Variants in LINGO2 observed in about 807,000 individuals in gnomAD.
LINGO2 encodes the protein leucine-rich repeat and immunoglobulin-like domain-containing nogo receptor-interacting protein 2.
Under a neutral mutation model 30.6 loss-of-function variants are expected in LINGO2, and 14 were observed. That is an observed-to-expected ratio of 0.46 (90% CI 0.30 to 0.72). LINGO2 has a LOEUF of 0.72. LINGO2 is among the 30% of genes least tolerant of loss of function. The pLI, the probability that LINGO2 is intolerant of heterozygous loss-of-function variation, is 0.07. For synonymous variants in LINGO2, 317 were observed against 288.5 expected (o/e 1.10, Z -1.00); for missense variants, 729 against 751.7 (o/e 0.97, Z 0.35).
chr9:28,064,409 C>T (rs1393329962), intron 4 of LINGO2, among the ~76,000 whole-genome samples: 1 of 152,000 alleles, frequency 6.6e-6, no homozygotes, highest in Non-Finnish European at 1.5e-5. Context: ...TGGGACGAAG[C>T]CAGGCAGGTC....
intron 4 of LINGO2, among the ~76,000 whole-genome samples, chr9:28,055,548 G>C (rs957487227): frequency 1.3e-5 from 2 of 152,150 alleles, no homozygotes; most frequent in African/African-American, 4.8e-5. Flanking sequence ...CTTCCACTTT[G>C]AATTGGAATT....
chr9:28,538,210 G>A (rs966843873), intron 1 of LINGO2, among the ~76,000 whole-genome samples: 1 of 151,848 alleles, frequency 6.6e-6, no homozygotes, highest in African/African-American at 2.4e-5. Flanking sequence ...GAAGAAAATA[G>A]TGGAGTATAA....
At chr9:28,553,666 C>T (rs1175285824) in intron 1 of LINGO2, among the ~76,000 whole-genome samples, 6 of 151,638 alleles carry the variant, frequency 4.0e-5, no homozygotes, top group South Asian at 2.1e-4. Context: ...AGATACTCCT[C>T]GAGAAGAGCA....
At chr9:28,654,804 A>T (rs1828261952) in intron 1 of LINGO2, among the ~76,000 whole-genome samples, 1 of 152,138 alleles carries the variant, frequency 6.6e-6, no homozygotes. Context: ...TGAGATAATA[A>T]CAGCATCCAA....
intron 5 of LINGO2, among the ~76,000 whole-genome samples, chr9:27,995,846 A>G (rs1821634561): frequency 6.6e-6 from 1 of 152,160 alleles, no homozygotes; most frequent in Non-Finnish European, 1.5e-5. Context: ...TCAACATAGT[A>G]CTAAAAGTTT....
the LINGO2 span, among the ~76,000 whole-genome samples, chr9:28,991,891 G>T: frequency 2.2e-4 from 34 of 151,666 alleles, no homozygotes; most frequent in Admixed American, 2.2e-3. Context: ...GGAACAATCG[G>T]TACCAGCCAC....
chr9:28,430,107 CGCGTGTGT>C (rs1180338055), intron 2 of LINGO2, among the ~76,000 whole-genome samples: 679 of 18,212 alleles, frequency 0.037, 8 homozygotes, highest in Middle Eastern at 0.1. Context: ...CGCGCGCGCG[CGCGTGTGT>C]GTGTGTGTGT....
chr9:29,181,180 T>A, the LINGO2 span, among the ~76,000 whole-genome samples: 1 of 152,146 alleles, frequency 6.6e-6, no homozygotes, highest in African/African-American at 2.4e-5. Flanking sequence ...TGCCACTAAT[T>A]AGTAGCGTGA....
chr9:28,779,378 C>CA, the LINGO2 span, among the ~76,000 whole-genome samples: 1 of 151,892 alleles, frequency 6.6e-6, no homozygotes, highest in Admixed American at 6.6e-5. Flanking sequence ...GTCAACAATC[C>CA]ATCTTGGCTC....
At chr9:28,503,463 G>C (rs1053322714) in intron 1 of LINGO2, among the ~76,000 whole-genome samples, 1 of 151,908 alleles carries the variant, frequency 6.6e-6, no homozygotes. Flanking sequence ...CACCTTTAGG[G>C]TGATGACAGA....
chr9:29,188,963 A>ACC, the LINGO2 span, among the ~76,000 whole-genome samples: 2 of 118,578 alleles, frequency 1.7e-5, no homozygotes, highest in African/African-American at 6.6e-5. Context: ...CGGGGGGCTG[A>ACC]CCCCCCCACC....
chr9:28,679,361 T>C, the LINGO2 span, among the ~76,000 whole-genome samples: 12 of 152,148 alleles, frequency 7.9e-5, no homozygotes, highest in African/African-American at 2.7e-4. Context: ...CTAACTTTGG[T>C]TCTGATTTCT....
intron 1 of LINGO2, among the ~76,000 whole-genome samples, chr9:28,602,938 G>C (rs1223783235): frequency 5.3e-5 from 8 of 152,026 alleles, no homozygotes; most frequent in Non-Finnish European, 8.8e-5. Flanking sequence ...CTTCATAAAT[G>C]CAAATAAAGA....
chr9:28,158,156 C>T (rs893846942), intron 4 of LINGO2, among the ~76,000 whole-genome samples: 7 of 152,154 alleles, frequency 4.6e-5, no homozygotes, highest in African/African-American at 7.2e-5. Flanking sequence ...CTCACAATCA[C>T]GGCAGAAGGT....
intron 4 of LINGO2, among the ~76,000 whole-genome samples, chr9:28,273,547 A>G (rs1452888136): frequency 2.0e-5 from 3 of 152,198 alleles, no homozygotes; most frequent in African/African-American, 7.2e-5. Flanking sequence ...GGACTGGTGA[A>G]AGAAAATTCC....
At chr9:28,580,451 C>G (rs1009645108) in intron 1 of LINGO2, among the ~76,000 whole-genome samples, 1 of 151,890 alleles carries the variant, frequency 6.6e-6, no homozygotes, top group East Asian at 1.9e-4. Context: ...TCACCCTTGC[C>G]CATCCCCCTC....
chr9:28,764,734 T>C, the LINGO2 span, among the ~76,000 whole-genome samples: 1 of 151,906 alleles, frequency 6.6e-6, no homozygotes, highest in African/African-American at 2.4e-5. Context: ...AATGACGTAA[T>C]CCTATATACA....
chr9:28,159,539 ACC>A (rs1156448783), intron 4 of LINGO2, among the ~76,000 whole-genome samples: 1 of 152,172 alleles, frequency 6.6e-6, no homozygotes, highest in African/African-American at 2.4e-5. Flanking sequence ...GAATGATTAA[ACC>A]AAGCTAATTA....
At chr9:28,770,626 T>C in the LINGO2 span, among the ~76,000 whole-genome samples, 2 of 152,098 alleles carry the variant, frequency 1.3e-5, no homozygotes, top group Non-Finnish European at 2.9e-5. Context: ...TTAAATCTAA[T>C]AGAATAACAA....
Sources: gnomAD v4.1 joint callset for allele counts (sites outside exome capture counted in the v4.1 genomes callset) on GRCh38, gnomAD v4.1.1 for gene constraint, MANE v1.5 for transcripts, NCBI Gene and HGNC (gene_info 2026-07-23, HGNC 2026-07-21) for gene names.